Variants in LRIF1 observed in about 807,000 individuals in gnomAD.
LRIF1 encodes the protein ligand dependent nuclear receptor interacting factor 1.
LRIF1 carries 32 observed loss-of-function variants against 52.7 expected under a neutral mutation model. That is an observed-to-expected ratio of 0.61 (90% confidence interval 0.46 to 0.82). The LOEUF (loss-of-function observed/expected upper bound fraction) is 0.82. Among genes scored for constraint, LRIF1 ranks in the 40% least tolerant of loss-of-function variants. The probability of loss-of-function intolerance (pLI) is 0.00; values close to 1 mark genes in which losing one functional copy is unlikely to be tolerated. For synonymous variants in LRIF1, 323 were observed against 317.4 expected (o/e 1.02, Z -0.19); for missense variants, 887 against 892.0 (o/e 0.99, Z 0.07).
the LRIF1 span, among the ~76,000 whole-genome samples, chr1:110,910,769 A>G: frequency 6.6e-6 from 1 of 152,240 alleles, no homozygotes; most frequent in African/African-American, 2.4e-5. Flanking sequence ...AAAGAATCAA[A>G]TTAAGGCAAA....
chr1:110,942,787 C>A (rs1658122272), downstream of LRIF1, among the ~76,000 whole-genome samples: 1 of 151,998 alleles, frequency 6.6e-6, no homozygotes, highest in East Asian at 1.9e-4. Context: ...TGGGTAATAA[C>A]CAGAAGCTGA....
chr1:110,875,356 G>T, the LRIF1 span, among the ~76,000 whole-genome samples: 1 of 152,178 alleles, frequency 6.6e-6, no homozygotes, highest in African/African-American at 2.4e-5. Flanking sequence ...GTGGGGCTAT[G>T]CCCACCATGT....
the LRIF1 span, among the ~76,000 whole-genome samples, chr1:110,921,317 T>G: frequency 6.6e-6 from 1 of 151,900 alleles, no homozygotes; most frequent in Non-Finnish European, 1.5e-5. Context: ...AAAAATGAAA[T>G]GATTAAAAAG....
the LRIF1 span, among the ~76,000 whole-genome samples, chr1:110,912,291 A>T: frequency 6.6e-6 from 1 of 151,982 alleles, no homozygotes; most frequent in Admixed American, 6.6e-5. Flanking sequence ...GGCTCACTGC[A>T]TCCTCCACCT....
At chr1:110,880,596 A>T in the LRIF1 span, among the ~76,000 whole-genome samples, 1 of 152,074 alleles carries the variant, frequency 6.6e-6, no homozygotes, top group Non-Finnish European at 1.5e-5. Context: ...CTGATGGGTG[A>T]GTTAGTTATT....
At chr1:110,887,074 T>TTTATTTTATTTTATTTTATTTTATTTTA in the LRIF1 span, among the ~76,000 whole-genome samples, 45 of 151,718 alleles carry the variant, frequency 3.0e-4, no homozygotes, top group African/African-American at 1.1e-3. Flanking sequence ...TTTATTTTAT[T>TTTATTTTATTTTATTTTATTTTATTTTA]TTATTTTGAG....
chr1:110,951,028 G>A (rs1419003712), intron 2 of LRIF1, among the ~76,000 whole-genome samples: 2 of 152,036 alleles, frequency 1.3e-5, no homozygotes, highest in Non-Finnish European at 2.9e-5. Context: ...TTTGCTCTGT[G>A]AATTTTTTGT....
chr1:110,932,963 T>G, the LRIF1 span, among the ~76,000 whole-genome samples: 1 of 152,220 alleles, frequency 6.6e-6, no homozygotes, highest in Non-Finnish European at 1.5e-5. Flanking sequence ...CCTCTTGGGA[T>G]AGTTGGCAGT....
downstream of LRIF1, chr1:110,944,098 A>G (rs1225092672): frequency 1.3e-5 from 2 of 152,248 alleles, no homozygotes; most frequent in African/African-American, 4.8e-5. Context: ...GTGGAATAAG[A>G]AAGATAACTT....
the LRIF1 span, among the ~76,000 whole-genome samples, chr1:110,935,387 CA>C: frequency 2.0e-5 from 3 of 152,178 alleles, no homozygotes; most frequent in African/African-American, 7.2e-5. Flanking sequence ...TATGACCTTT[CA>C]GACACAGAAT....
At chr1:110,891,295 C>A in the LRIF1 span, 1 of 868,712 alleles carries the variant, frequency 1.2e-6, no homozygotes, top group Admixed American at 1.8e-5. Context: ...CAGCTCAAAC[C>A]CAAGGTAATG....
chr1:110,890,989 C>T, the LRIF1 span, among the ~76,000 whole-genome samples: 1 of 152,230 alleles, frequency 6.6e-6, no homozygotes, highest in Admixed American at 6.6e-5. Context: ...GCTGATCAAG[C>T]TGTTGGCTTT....
chr1:110,894,228 C>A, the LRIF1 span: 8 of 978,188 alleles, frequency 8.2e-6, no homozygotes, highest in Non-Finnish European at 1.3e-5. Flanking sequence ...ACAGGAACAC[C>A]CTGTACTCGT....
intron 1 of LRIF1, among the ~76,000 whole-genome samples, chr1:110,959,289 T>C (rs1010007404): frequency 1.3e-5 from 2 of 152,192 alleles, no homozygotes; most frequent in Non-Finnish European, 2.9e-5. Context: ...GACTAGAAAA[T>C]GTACTTATCC....
At chr1:110,898,006 AAT>A in the LRIF1 span, 4 of 540,550 alleles carry the variant, frequency 7.4e-6, no homozygotes, top group Non-Finnish European at 1.3e-5. Flanking sequence ...TATTTTTACT[AAT>A]ATATGAATTC....
chr1:110,907,233 G>A, the LRIF1 span, among the ~76,000 whole-genome samples: 1 of 152,164 alleles, frequency 6.6e-6, no homozygotes, highest in Non-Finnish European at 1.5e-5. Flanking sequence ...CTGGTGATAC[G>A]TAAGTAGATC....
the LRIF1 span, among the ~76,000 whole-genome samples, chr1:110,934,301 G>A: frequency 6.6e-6 from 1 of 152,182 alleles, no homozygotes; most frequent in Non-Finnish European, 1.5e-5. Flanking sequence ...TCCTCTGCTT[G>A]AGAAAAGCAG....
In LRIF1 at chr1:110,952,451, G is replaced by C. The variant is rs763311648; in HGVS notation, c.433C>G (p.Leu145Val). The C allele has an allele frequency of 2.5e-6, 4 of 1,611,564 alleles. No homozygotes were observed. Among genetic ancestry groups the C allele is most frequent in the African/African-American group, 2.7e-5 (2 of 75,004 alleles). Residue 145 changes from leucine to valine, a missense_variant, in exon 2 of 4, where the codon CTC becomes GTC. Coordinates refer to ENST00000369763, the MANE Select transcript of LRIF1 (RefSeq NM_018372.4). ...GGAACAGCAAATGTTTGCATGGTGA[G>C]TCCATCAATTTTCACACCATGACTC... is the stretch of plus-strand genomic sequence containing the variant. Reference protein sequence around the residue: ...VQSHGVKIDGLTMQTFAVPPS... With the variant: ...VQSHGVKIDGVTMQTFAVPPS...
At chr1:110,886,992 C>T in the LRIF1 span, among the ~76,000 whole-genome samples, 1 of 151,154 alleles carries the variant, frequency 6.6e-6, no homozygotes, top group Non-Finnish European at 1.5e-5. Flanking sequence ...TTTCATGTCA[C>T]ACATTGTAGT....
Sources: allele counts gnomAD v4.1 joint callset (sites outside exome capture counted in the v4.1 genomes callset), GRCh38; gene constraint gnomAD v4.1.1; transcripts MANE v1.5; gene names NCBI Gene and HGNC (gene_info 2026-07-23, HGNC 2026-07-21).